PLEKHA2: variants seen among roughly 807,000 people sequenced by gnomAD.
PLEKHA2 encodes the protein pleckstrin homology domain-containing family A member 2.
In PLEKHA2, 28 loss-of-function variants were observed where a neutral mutation model predicts 53.2. The ratio of observed to expected loss-of-function variants is 0.53; its 90% CI spans 0.39 to 0.72. PLEKHA2 has a LOEUF of 0.72. Among genes scored for constraint, PLEKHA2 ranks in the 30% least tolerant of loss-of-function variants. The pLI, the probability that PLEKHA2 is intolerant of heterozygous loss-of-function variation, is 0.00. For missense variants in PLEKHA2, 426 were observed against 537.9 expected, an observed-to-expected ratio of 0.79 and a Z score of 2.06; for synonymous variants, 193 against 196.4, an observed-to-expected ratio of 0.98 and a Z score of 0.14.
chr8:38,923,192 A>G (rs763421780), intron 2 of PLEKHA2, among the ~76,000 whole-genome samples: 3 of 152,232 alleles, frequency 2.0e-5, no homozygotes, highest in African/African-American at 4.8e-5. Context: ...GCTGCCACCC[A>G]TAAGGGAAAG....
At chr8:38,931,883 G>A (rs187107457) in intron 2 of PLEKHA2, among the ~76,000 whole-genome samples, 5 of 152,286 alleles carry the variant, frequency 3.3e-5, no homozygotes, top group African/African-American at 1.2e-4. Context: ...GAGGGATCGC[G>A]TGGGAGCATT....
intron 8 of PLEKHA2, 109 bp downstream of exon 8, chr8:38,952,813 T>G: frequency 8.8e-7 from 1 of 1,132,092 alleles, no homozygotes; most frequent in Non-Finnish European, 1.3e-6. Context: ...ACACAAAGAC[T>G]TCAAAGGCGC....
chr8:38,913,469 A>G (rs7387874), intron 1 of PLEKHA2, among the ~76,000 whole-genome samples: 124,710 of 152,178 alleles, frequency 0.82, 51,141 homozygotes, highest in African/African-American at 0.84. Context: ...TTAGCGATTG[A>G]GCCCAGGACA....
rs1834119562 is a variant in PLEKHA2 at position 38,918,598 on chromosome 8, A to G, written c.141+528A>G. Among the ~76,000 whole-genome samples the G allele has an allele frequency of 4.7e-5, 5 of 107,136 alleles. No individual in the cohort carries two copies. In the South Asian group the frequency reaches 1.6e-3, roughly 34 times the overall value. 70.3% of individuals were successfully genotyped at this position (107,136 alleles called of 152,430 possible). On this transcript the variant is annotated intron_variant, in intron 2 of 11. Coordinates refer to ENST00000617275, the MANE Select transcript of PLEKHA2 (RefSeq NM_021623.2). ...ATGCACACACATGCACACACATCCC[A>G]TACACACATACACAAGCCATACACA...
In PLEKHA2 at chr8:38,972,656, A is replaced by G. The variant is rs1327784334; in HGVS notation, c.*2873A>G. ...TTAATGTGAACCAAAGATGGTACGT[A>G]TTTGACCAAAGCAGTTAGTTTTAAA... On this transcript the variant is annotated 3_prime_UTR_variant, in exon 12 of 12. Transcript: ENST00000617275. 1 of 152,222 alleles carries G rather than the reference A, an allele frequency of 6.6e-6. No individual in the cohort carries two copies. Among genetic ancestry groups the G allele is most frequent in the Non-Finnish European group, 1.5e-5 (1 of 68,050 alleles). 9.4% of individuals were successfully genotyped at this position (152,222 alleles called of 1,614,324 possible).
In PLEKHA2 at chr8:38,952,638, G is replaced by C; in HGVS notation, c.636G>C (p.Arg212=). The change falls in exon 8 of 12, where the codon CGG becomes CGC. Residue 212 remains arginine (R), a splice_region_variant and synonymous_variant. Coordinates refer to ENST00000617275, the MANE Select transcript of PLEKHA2 (RefSeq NM_021623.2). The stretch of plus-strand genomic sequence containing the variant: ...TGCCTTTTATTTTTTTATTACAGCG[G>C]AAGAGCTGGAAACGTCGCTTCTTTG... The part of the protein sequence containing the change: ...SGYCVKQGNV[R]KSWKRRFFAL... 1 of 1,608,160 alleles carries C rather than the reference G, an allele frequency of 6.2e-7. No homozygotes were observed. Among genetic ancestry groups the C allele is most frequent in the Non-Finnish European group, 8.5e-7 (1 of 1,179,736 alleles).
chr8:38,924,030 T>C (rs999532591), intron 2 of PLEKHA2, among the ~76,000 whole-genome samples: 10 of 152,078 alleles, frequency 6.6e-5, no homozygotes, highest in African/African-American at 2.4e-4. Flanking sequence ...TTTTGTATTT[T>C]ATTAGAGATG....
chr8:38,939,457 A>G (rs780712372), intron 3 of PLEKHA2, among the ~76,000 whole-genome samples: 8 of 152,238 alleles, frequency 5.3e-5, no homozygotes, highest in Non-Finnish European at 7.3e-5. Flanking sequence ...CATGAGGCCA[A>G]TGATGGTTGT....
intron 5 of PLEKHA2, among the ~76,000 whole-genome samples, chr8:38,950,328 C>A (rs961364984): frequency 6.6e-6 from 1 of 152,168 alleles, no homozygotes; most frequent in Admixed American, 6.5e-5. Flanking sequence ...GGCCCCGGAC[C>A]TGGCCCCCAT....
At chr8:38,907,865 T>TGTAC (rs1833901846) in intron 1 of PLEKHA2, among the ~76,000 whole-genome samples, 1 of 150,926 alleles carries the variant, frequency 6.6e-6, no homozygotes, top group Admixed American at 6.6e-5. Context: ...TATGTATGTA[T>TGTAC]TTTTGAGACA....
chr8:38,915,169 C>A (rs1564106166), intron 1 of PLEKHA2, among the ~76,000 whole-genome samples: 1 of 152,152 alleles, frequency 6.6e-6, no homozygotes, highest in African/African-American at 2.4e-5. Flanking sequence ...TGGTCTCAAA[C>A]CCCTGGCCTC....
intron 2 of PLEKHA2, among the ~76,000 whole-genome samples, chr8:38,924,985 A>C (rs1343715833): frequency 1.3e-5 from 2 of 152,228 alleles, no homozygotes; most frequent in Non-Finnish European, 1.5e-5. Context: ...TGCATTTAAA[A>C]ATCAATATAC....
chr8:38,945,710 G>C (rs1292109194), intron 4 of PLEKHA2, among the ~76,000 whole-genome samples: 1 of 152,184 alleles, frequency 6.6e-6, no homozygotes. Flanking sequence ...AACTCTCCCA[G>C]TCCAGACCAG....
At chr8:38,952,911 T>C (rs1392772287) in intron 8 of PLEKHA2, among the ~76,000 whole-genome samples, 3 of 152,336 alleles carry the variant, frequency 2.0e-5, no homozygotes, top group Admixed American at 2.0e-4. Flanking sequence ...GTCAGAGTCA[T>C]AGCTACACAA....
chr8:38,914,598 C>G (rs1353331583), intron 1 of PLEKHA2, among the ~76,000 whole-genome samples: 1 of 152,226 alleles, frequency 6.6e-6, no homozygotes, highest in East Asian at 1.9e-4. Context: ...TCTGTTGGAG[C>G]CTGTCAGGGC....
At chr8:38,964,626 A>C (rs1835099332) in intron 10 of PLEKHA2, among the ~76,000 whole-genome samples, 1 of 152,076 alleles carries the variant, frequency 6.6e-6, no homozygotes, top group South Asian at 2.1e-4. Context: ...TAGGTGGGTG[A>C]ACCATAGTAT....
chr8:38,905,896 G>A (rs528664306), intron 1 of PLEKHA2, among the ~76,000 whole-genome samples: 4 of 152,274 alleles, frequency 2.6e-5, no homozygotes, highest in Admixed American at 2.6e-4. Flanking sequence ...GTGTTAGCCA[G>A]GATGGTCTCC....
Position 38,973,898 on chromosome 8 carries a change from T to C in PLEKHA2, c.*4115T>C, listed in dbSNP as rs1835299248. ...TGTGGCTTGTTTTGTAATAAAACCA[T>C]GTGAAATACTGAAATATGGTCATGT... is the stretch of plus-strand genomic sequence containing the variant. On this transcript the variant is annotated 3_prime_UTR_variant, in exon 12 of 12. Transcript: ENST00000617275. 1 of 295,572 alleles carries C rather than the reference T, an allele frequency of 3.4e-6. No individual in the cohort carries two copies. Among genetic ancestry groups the C allele is most frequent in the African/African-American group, 2.3e-5 (1 of 44,364 alleles). The allele number at this position is 295,572 out of a possible 1,614,324, so 18.3% of individuals were successfully genotyped here.
intron 9 of PLEKHA2, among the ~76,000 whole-genome samples, chr8:38,955,377 C>T (rs1277829780): frequency 6.6e-6 from 1 of 152,190 alleles, no homozygotes; most frequent in African/African-American, 2.4e-5. Context: ...TATTCAGAAA[C>T]TCAGAAAGTA....
Sources: allele counts gnomAD v4.1 joint callset (sites outside exome capture counted in the v4.1 genomes callset), GRCh38; gene constraint gnomAD v4.1.1; transcripts MANE v1.5; gene names NCBI Gene and HGNC (gene_info 2026-07-23, HGNC 2026-07-21).